Variants in PZP observed in about 807,000 individuals in gnomAD.
PZP encodes the protein PZP alpha-2-macroglobulin like.
Under a neutral mutation model 179.8 loss-of-function variants are expected in PZP, and 150 were observed. That is an observed-to-expected ratio of 0.83 (90% CI 0.73 to 0.96). PZP has a LOEUF of 0.96. Ranked by LOEUF, PZP falls within the 40% of genes least tolerant of loss-of-function variation. The pLI is 0.00. For synonymous variants in PZP, 624 were observed against 652.3 expected, an observed-to-expected ratio of 0.96 and a Z score of 0.66; for missense variants, 1,689 against 1,764.0, an observed-to-expected ratio of 0.96 and a Z score of 0.76.
chr12:9,157,961 C>G (rs1940883429), intron 26 of PZP, 120 bp from the exon 27 acceptor site: 1 of 832,968 alleles, frequency 1.2e-6, no homozygotes, highest in South Asian at 1.6e-5. Context: ...ATTTCCTTCT[C>G]TCTCTCTCTC....
intron 13 of PZP, among the ~76,000 whole-genome samples, chr12:9,186,559 A>G (rs1347940313): frequency 6.6e-6 from 1 of 152,158 alleles, no homozygotes; most frequent in Non-Finnish European, 1.5e-5. Flanking sequence ...AAAGGAGAAA[A>G]ATCTGTCAAG....
downstream of PZP, among the ~76,000 whole-genome samples, chr12:9,144,980 C>T (rs188049447): frequency 1.3e-5 from 2 of 152,310 alleles, no homozygotes; most frequent in Admixed American, 1.3e-4. Flanking sequence ...TGATGATACT[C>T]CTGCCCTGTC....
chr12:9,144,876 G>C (rs183317353), downstream of PZP, among the ~76,000 whole-genome samples: 23 of 152,276 alleles, frequency 1.5e-4, no homozygotes, highest in East Asian at 4.3e-3. Context: ...GTCATTTGTG[G>C]TTTATGGTCA....
chr12:9,196,621 C>G lies in PZP; in HGVS notation c.932G>C (p.Gly311Ala), dbSNP rs747161093. The G allele has an allele frequency of 2.5e-6, 4 of 1,613,730 alleles. No homozygotes were observed. Among genetic ancestry groups the G allele is most frequent in the Non-Finnish European group, 3.4e-6 (4 of 1,179,788 alleles). ...HTKMLQITNT[G>A]FEMKLRVEAR... ...TTCCACTCTAAGCTTCATTTCAAAG[C>G]CCGTATTTGTAATCTGGAGCATTTT... Residue 311 changes from glycine to alanine, a missense_variant, in exon 9 of 36, where the codon GGC becomes GCC. Coordinates refer to ENST00000261336, the MANE Select transcript of PZP (RefSeq NM_002864.3).
At chr12:9,138,529 G>T in the PZP span, among the ~76,000 whole-genome samples, 1 of 151,862 alleles carries the variant, frequency 6.6e-6, no homozygotes, top group Admixed American at 6.6e-5. Flanking sequence ...TATAAAATGA[G>T]TTTGGAAGTG....
At chr12:9,201,259 G>C in intron 5 of PZP, 68 bp downstream of exon 5, 1 of 1,390,714 alleles carries the variant, frequency 7.2e-7, no homozygotes, top group Non-Finnish European at 1.0e-6. Flanking sequence ...TCTGTCTAGA[G>C]TATTATCAGA....
At chr12:9,156,978 G>C (rs1940803635) in intron 28 of PZP, among the ~76,000 whole-genome samples, 197 bp downstream of exon 28, 1 of 151,774 alleles carries the variant, frequency 6.6e-6, no homozygotes, top group East Asian at 1.9e-4. Context: ...AGGATGTGCA[G>C]GTTTGTTACA....
intron 7 of PZP, among the ~76,000 whole-genome samples, chr12:9,197,911 A>G (rs1943924125): frequency 7.9e-6 from 1 of 127,248 alleles, no homozygotes. Context: ...ATATATTTAT[A>G]TTATATATTA....
Position 9,158,507 on chromosome 12 carries a change from A to T in PZP, c.3207T>A (p.Ile1069=). The change falls in exon 26 of 36, where the codon ATT becomes ATA. Residue 1069 remains isoleucine, a synonymous_variant. Coordinates refer to ENST00000261336, the MANE Select transcript of PZP (RefSeq NM_002864.3). ...GGGAGAGCCACGTGAGAGATTGGGT[A>T]ATGTGTGCTTCATCAATGAAGATGT... is the stretch of plus-strand genomic sequence containing the variant. ...RSYIFIDEAH[I]TQSLTWLSQM... 1 of 1,614,202 alleles carries T rather than the reference A, an allele frequency of 6.2e-7. No individual in the cohort carries two copies. The highest frequency in any genetic ancestry group is 8.5e-7 in the Non-Finnish European group (1 of 1,180,028).
downstream of PZP, among the ~76,000 whole-genome samples, chr12:9,148,072 T>C (rs1940104807): frequency 6.6e-6 from 1 of 152,250 alleles, no homozygotes. Context: ...TATACCTTTG[T>C]TTATTTTTAA....
Position 9,162,595 on chromosome 12 carries a change from A to G in PZP, c.2788+2T>C. 6.3e-7 allele frequency: 1 copy of G among 1,579,558 alleles called. No individual in the cohort carries two copies. Among genetic ancestry groups the G allele is most frequent in the Non-Finnish European group, 8.7e-7 (1 of 1,149,290 alleles). On this transcript the variant is annotated splice_donor_variant, in intron 22 of 35. Transcript: ENST00000261336. LOFTEE classifies it high-confidence loss of function. Reference sequence around the variant, plus strand: ...ACTATGATTATGAAGATGGACTCTTACCTGAGGCACAGGTCATAGAACTGA... The same window carrying G: ...ACTATGATTATGAAGATGGACTCTTGCCTGAGGCACAGGTCATAGAACTGA...
Position 9,201,312 on chromosome 12 carries a change from T to G in PZP, c.501+15A>C, listed in dbSNP as rs777287282. ...AGCACTAATTTCCTTATAAGATACTTTTTCTGATACTTACCTCAAGGTATA... is the reference window on the plus strand; with the variant it reads ...AGCACTAATTTCCTTATAAGATACTGTTTCTGATACTTACCTCAAGGTATA... On this transcript the variant is annotated intron_variant, in intron 5 of 35. Transcript: ENST00000261336. 2.6e-6 allele frequency: 4 copies of G among 1,528,898 alleles called. No individual in the cohort carries two copies. Among genetic ancestry groups the G allele is most frequent in the Non-Finnish European group, 3.6e-6 (4 of 1,106,204 alleles). 94.7% of individuals were successfully genotyped at this position (1,528,898 alleles called of 1,614,324 possible). A position where few individuals can be genotyped will look rare whatever the true frequency, so the allele number is the denominator to read the frequency against.
At chr12:9,164,028 T>A in intron 20 of PZP, 105 bp downstream of exon 20, 1 of 1,417,574 alleles carries the variant, frequency 7.1e-7, no homozygotes, top group Non-Finnish European at 9.6e-7. Flanking sequence ...ACTAACTTTA[T>A]AGAATTATAT....
At chr12:9,195,576 T>C (rs940522950) in intron 10 of PZP, among the ~76,000 whole-genome samples, 5 of 150,526 alleles carry the variant, frequency 3.3e-5, no homozygotes, top group Admixed American at 1.3e-4. Context: ...CCCAAGCAGC[T>C]GGGACTACAG....
chr12:9,140,520 G>C, the PZP span, among the ~76,000 whole-genome samples: 1 of 152,184 alleles, frequency 6.6e-6, no homozygotes, highest in Non-Finnish European at 1.5e-5. Flanking sequence ...GGTAGGAATG[G>C]TTTGCATTAT....
At chr12:9,141,916 A>G in the PZP span, among the ~76,000 whole-genome samples, 1 of 152,232 alleles carries the variant, frequency 6.6e-6, no homozygotes, top group South Asian at 2.1e-4. Context: ...AAAGCAGGCA[A>G]GTTGTACAGC....
rs758083709 is a variant in PZP, at chr12:9,208,354, A to T, written c.-13T>A. 6.2e-7 allele frequency: 1 copy of T among 1,607,922 alleles called. No homozygotes were observed. Among genetic ancestry groups the T allele is most frequent in the South Asian group, 1.1e-5 (1 of 90,920 alleles). ...TGTCTTTCCGCATTGTGAGGGATAA[A>T]TCTCAGGGTTGTGTCCAACTCTCTG... On this transcript the variant is annotated 5_prime_UTR_variant, in exon 1 of 36. Coordinates refer to ENST00000261336, the MANE Select transcript of PZP (RefSeq NM_002864.3).
At chr12:9,167,481 G>A (rs958856688) in intron 17 of PZP, 7 of 152,170 alleles carry the variant, frequency 4.6e-5, no homozygotes, top group African/African-American at 7.2e-5. Context: ...TTTCCCAGGC[G>A]AGGTCGCACA....
Position 9,202,622 on chromosome 12 carries a change from C to T in PZP, c.330G>A (p.Thr110=), listed in dbSNP as rs767650975. ...CTGTGTTCCTCTTCCTGAAATCTTG[C>T]GTAGGCCCCTTTATCTGGATGCTAA... The part of the protein sequence containing the change: ...AFLSIQIKGP[T]QDFRKRNTVL... Residue 110 remains threonine (T), a synonymous_variant, in exon 3 of 36, where the codon ACG becomes ACA. Coordinates refer to ENST00000261336, the MANE Select transcript of PZP (RefSeq NM_002864.3). The T allele has an allele frequency of 7.1e-5, 114 of 1,613,932 alleles. No individual in the cohort carries two copies. The highest frequency in any genetic ancestry group is 3.3e-5 in the Admixed American group (2 of 59,994).
Sources: gnomAD v4.1 joint callset for allele counts (sites outside exome capture counted in the v4.1 genomes callset) on GRCh38, gnomAD v4.1.1 for gene constraint, MANE v1.5 for transcripts, NCBI Gene and HGNC (gene_info 2026-07-23, HGNC 2026-07-21) for gene names.